Variants in SLC35D2 observed in about 807,000 individuals in gnomAD.
SLC35D2 encodes nucleotide sugar transporter SLC35D2.
A neutral mutation model predicts 41.8 loss-of-function variants in SLC35D2; 43 were observed. That is an observed-to-expected ratio of 1.03 (90% CI 0.81 to 1.33). The LOEUF is 1.33. SLC35D2 is among the 40% of genes most tolerant of loss of function. The probability of loss-of-function intolerance (pLI) is 0.00; values close to 1 mark genes in which losing one functional copy is unlikely to be tolerated. For synonymous variants in SLC35D2, 150 were observed against 163.9 expected, an observed-to-expected ratio of 0.92 and a Z score of 0.65; for missense variants, 380 against 408.4, an observed-to-expected ratio of 0.93 and a Z score of 0.60.
At position 96,364,523 on chromosome 9, in the gene SLC35D2, C is replaced by T; in HGVS notation, c.220G>A (p.Val74Met). The change falls in exon 3 of 12, where the codon GTG becomes ATG. Residue 74 changes from valine to methionine, a missense_variant. Physicochemically the swap from Val to Met is conservative, Grantham distance 21 (BLOSUM62 1). Coordinates refer to ENST00000253270, the MANE Select transcript of SLC35D2 (RefSeq NM_007001.3). ...QMAATIMILY[V>M]SKLNKIIHFP... ...TGAATGATTTTGTTTAGCTTGGACA[C>T]ATATAGTATCATTATGGTGGCTGCC... The T allele has an allele frequency of 2.5e-6, 4 of 1,605,966 alleles. No homozygotes were observed. In the Admixed American group the frequency reaches 6.7e-5, roughly 27 times the overall value.
At chr9:96,316,065 G>A (rs1343408982), downstream of SLC35D2, among the ~76,000 whole-genome samples, 2 of 152,158 alleles carry the variant, frequency 1.3e-5, no homozygotes, top group Non-Finnish European at 1.5e-5. Context: ...TACTACTGTG[G>A]TTTCTCCTAC....
At chr9:96,313,706 T>C (rs917853234) in exon 12 of SLC35D2, among the ~76,000 whole-genome samples, 2 of 152,230 alleles carry the variant, frequency 1.3e-5, no homozygotes, top group African/African-American at 4.8e-5. Context: ...GACATCTTTT[T>C]GGGCAAGATT....
At chr9:96,327,504 A>G (rs1308485377) in intron 9 of SLC35D2, among the ~76,000 whole-genome samples, 1 of 152,194 alleles carries the variant, frequency 6.6e-6, no homozygotes, top group African/African-American at 2.4e-5. Context: ...AGCTGGGCTG[A>G]GCCAAGGGAG....
chr9:96,350,889 C>T (rs1463439294), intron 6 of SLC35D2: 7 of 449,636 alleles, frequency 1.6e-5, no homozygotes, highest in African/African-American at 9.7e-5. Flanking sequence ...TCTTGCAATG[C>T]TCTCTTCATA....
chr9:96,362,591 G>A (rs1292011555), intron 3 of SLC35D2, among the ~76,000 whole-genome samples: 2 of 151,958 alleles, frequency 1.3e-5, no homozygotes, highest in African/African-American at 4.8e-5. Flanking sequence ...TGTTAGAAAA[G>A]TTAGGATAGT....
intron 1 of SLC35D2, among the ~76,000 whole-genome samples, chr9:96,370,657 CAAAAAATAAA>C (rs1830639614): frequency 6.7e-6 from 1 of 149,236 alleles, no homozygotes; most frequent in African/African-American, 2.5e-5. Flanking sequence ...ACTCTGTCTC[CAAAAAATAAA>C]AAAAAATAAA....
At chr9:96,344,941 T>A (rs1829510413) in intron 7 of SLC35D2, among the ~76,000 whole-genome samples, 1 of 152,220 alleles carries the variant, frequency 6.6e-6, no homozygotes, top group Non-Finnish European at 1.5e-5. Flanking sequence ...GAAAAACTTG[T>A]GTCTGTAGCC....
At chr9:96,381,247 G>A (rs73538967) in intron 1 of SLC35D2, among the ~76,000 whole-genome samples, 3,247 of 152,274 alleles carry the variant, frequency 0.021, 106 homozygotes, top group African/African-American at 0.074. Context: ...CCCAGATGTC[G>A]GCTCTCAACA....
chr9:96,379,646 C>A (rs1352472797), intron 1 of SLC35D2, among the ~76,000 whole-genome samples: 1 of 152,114 alleles, frequency 6.6e-6, no homozygotes, highest in Non-Finnish European at 1.5e-5. Flanking sequence ...TGCTTGGATC[C>A]GATTTCTATG....
intron 2 of SLC35D2, among the ~76,000 whole-genome samples, chr9:96,366,171 G>A (rs550741641): frequency 7.2e-5 from 11 of 151,836 alleles, no homozygotes; most frequent in Admixed American, 2.6e-4. Context: ...GTGTGGTGGT[G>A]CATGCCTGTA....
In SLC35D2 at chr9:96,321,329, G is replaced by A. The variant is rs1828213161; in HGVS notation, c.927C>T (p.Gly309=). Residue 309 remains glycine, a synonymous_variant, in exon 12 of 12, where the codon GGC becomes GGT. Coordinates refer to ENST00000253270, the MANE Select transcript of SLC35D2 (RefSeq NM_007001.3). Reference sequence around the variant, plus strand: ...TCAGTGTTAAAAAGGAATATCTCAAGCCCCCTGCCATGCTGAAAGGAGAAA... The same window carrying A: ...TCAGTGTTAAAAAGGAATATCTCAAACCCCCTGCCATGCTGAAAGGAGAAA... ...FVGLNICMAG[G]LRYSFLTLSS... 1.9e-6 allele frequency: 3 copies of A among 1,613,308 alleles called. No individual in the cohort carries two copies. The highest frequency in any genetic ancestry group is 2.5e-6 in the Non-Finnish European group (3 of 1,179,452).
downstream of SLC35D2, among the ~76,000 whole-genome samples, chr9:96,319,436 C>A (rs1179559534): frequency 6.6e-6 from 1 of 152,074 alleles, no homozygotes; most frequent in African/African-American, 2.4e-5. Context: ...AGTATGGTTA[C>A]TCCTACTGGA....
chr9:96,351,113 T>C lies in SLC35D2; in HGVS notation c.478A>G (p.Ile160Val), dbSNP rs894564109. 9.3e-6 allele frequency: 15 copies of C among 1,611,762 alleles called. No individual in the cohort carries two copies. The highest frequency in any genetic ancestry group is 5.0e-5 in the Admixed American group (3 of 59,996). Residue 160 changes from isoleucine to valine, a missense_variant, in exon 6 of 12, where the codon ATA (isoleucine) becomes GTA (valine). Physicochemically the swap from Ile to Val is conservative, Grantham distance 29. Transcript: ENST00000253270. The part of the protein sequence containing the change: ...SVFAIILGAF[I>V]AAGSDLAFNL... The stretch of plus-strand genomic sequence containing the variant: ...AGTCCAAAGTCTTACCCAGCTGCTA[T>C]GAAAGCCCCGAGAATAATGGCAAAG...
intron 1 of SLC35D2, among the ~76,000 whole-genome samples, chr9:96,378,346 T>C (rs1831043952): frequency 6.6e-6 from 1 of 151,708 alleles, no homozygotes; most frequent in Admixed American, 6.6e-5. Flanking sequence ...CTTTGGAGGA[T>C]TGTCTGAGCC....
At chr9:96,377,080 A>G (rs572201581) in intron 1 of SLC35D2, among the ~76,000 whole-genome samples, 1 of 151,630 alleles carries the variant, frequency 6.6e-6, no homozygotes, top group East Asian at 2.0e-4. Context: ...CGGACCAAGC[A>G]GAGAAACAAT....
chr9:96,368,570 C>T (rs538387887), intron 1 of SLC35D2, among the ~76,000 whole-genome samples: 6 of 151,866 alleles, frequency 4.0e-5, no homozygotes, highest in Admixed American at 2.6e-4. Context: ...CTTCCTGCCA[C>T]CCAGGCTGGA....
At chr9:96,338,846 A>G (rs1829176652) in intron 8 of SLC35D2, among the ~76,000 whole-genome samples, 1 of 152,198 alleles carries the variant, frequency 6.6e-6, no homozygotes, top group Non-Finnish European at 1.5e-5. Context: ...AAACAAAACC[A>G]CAAAAATCAT....
At chr9:96,349,975 G>A (rs1020958812) in intron 6 of SLC35D2, among the ~76,000 whole-genome samples, 2 of 152,094 alleles carry the variant, frequency 1.3e-5, no homozygotes, top group Non-Finnish European at 2.9e-5. Flanking sequence ...ACTAGATGAG[G>A]CTCTGAGAAC....
intron 2 of SLC35D2, among the ~76,000 whole-genome samples, chr9:96,367,782 C>CAA (rs35612638): frequency 7.8e-6 from 1 of 128,872 alleles, no homozygotes; most frequent in Non-Finnish European, 1.7e-5. Context: ...AACTCCGTCT[C>CAA]AAAAAAAAAA....
Sources: gnomAD v4.1 joint callset for allele counts (sites outside exome capture counted in the v4.1 genomes callset) on GRCh38, gnomAD v4.1.1 for gene constraint, MANE v1.5 for transcripts, NCBI Gene and HGNC (gene_info 2026-07-23, HGNC 2026-07-21) for gene names.